Variants in CERS6 observed in about 807,000 individuals in gnomAD.
The protein encoded by CERS6 is ceramide synthase 6.
A neutral mutation model predicts 56.8 loss-of-function variants in CERS6; 26 were observed. The ratio of observed to expected loss-of-function variants is 0.46; its 90% CI spans 0.34 to 0.63. The LOEUF (loss-of-function observed/expected upper bound fraction) is 0.63, where lower values mean the gene tolerates loss of function less well. Among genes scored for constraint, CERS6 ranks in the 30% least tolerant of loss-of-function variants. The pLI, the probability that CERS6 is intolerant of heterozygous loss-of-function variation, is 0.01. For synonymous variants in CERS6, 164 were observed against 173.3 expected (o/e 0.95, Z 0.42); for missense variants, 415 against 467.5 (o/e 0.89, Z 1.04).
Position 168,580,475 on chromosome 2 carries a change from A to C in CERS6, c.407+19153A>C, listed in dbSNP as rs183048666. Among the ~76,000 whole-genome samples, 41 of 152,210 alleles carry C rather than the reference A, an allele frequency of 2.7e-4. 1 individual carries two copies. Among genetic ancestry groups the C allele is most frequent in the Admixed American group, 2.7e-3 (41 of 15,288 alleles). On this transcript the variant is annotated intron_variant, in intron 3 of 9. Transcript: ENST00000305747. ...AAATCCAAGGTGTTTAGAGTATTTT[A>C]TTTCCATGTTCCCTCTTCTGACTTA...
At chr2:168,532,238 A>T (rs1695182262) in intron 1 of CERS6, among the ~76,000 whole-genome samples, 1 of 152,160 alleles carries the variant, frequency 6.6e-6, no homozygotes, top group South Asian at 2.1e-4. Context: ...CCAAGGTGCC[A>T]GTGATTTAGA....
chr2:168,515,504 G>A (rs1346291733), intron 1 of CERS6, among the ~76,000 whole-genome samples: 2 of 152,196 alleles, frequency 1.3e-5, no homozygotes, highest in Non-Finnish European at 2.9e-5. Context: ...GGGAATTGAT[G>A]TGGAAAGTGG....
At chr2:168,692,481 G>C (rs1686530334) in intron 5 of CERS6, among the ~76,000 whole-genome samples, 1 of 152,144 alleles carries the variant, frequency 6.6e-6, no homozygotes, top group Non-Finnish European at 1.5e-5. Context: ...TGAGTTGCTA[G>C]AGCTATGGTC....
chr2:168,538,851 G>C (rs536813669), intron 1 of CERS6, among the ~76,000 whole-genome samples: 1 of 152,258 alleles, frequency 6.6e-6, no homozygotes, highest in South Asian at 2.1e-4. Flanking sequence ...GATTGTCTTA[G>C]ATAAATACCT....
At chr2:168,623,472 A>G (rs1482253271) in intron 3 of CERS6, among the ~76,000 whole-genome samples, 2 of 74,976 alleles carry the variant, frequency 2.7e-5, no homozygotes, top group Non-Finnish European at 5.1e-5. Context: ...GTAAAGCAGG[A>G]AAAAAAAATG....
chr2:168,559,180 T>C (rs1231360953), intron 2 of CERS6, among the ~76,000 whole-genome samples: 1 of 151,754 alleles, frequency 6.6e-6, no homozygotes, highest in Non-Finnish European at 1.5e-5. Context: ...AAGGTGAGTG[T>C]AGATGGTGTC....
At chr2:168,758,476 A>T (rs1376637057) in intron 8 of CERS6, among the ~76,000 whole-genome samples, 1 of 151,200 alleles carries the variant, frequency 6.6e-6, no homozygotes, top group Non-Finnish European at 1.5e-5. Flanking sequence ...AGGCTCAGAT[A>T]GAACTCTTTG....
chr2:168,459,266 T>C (rs1371915525), intron 1 of CERS6, among the ~76,000 whole-genome samples: 1 of 152,248 alleles, frequency 6.6e-6, no homozygotes, highest in South Asian at 2.1e-4. Context: ...AAATCGTGAA[T>C]TTGAATGCCT....
intron 8 of CERS6, among the ~76,000 whole-genome samples, chr2:168,735,370 G>A (rs185487470): frequency 2.6e-5 from 4 of 152,006 alleles, no homozygotes; most frequent in African/African-American, 9.6e-5. Context: ...ACCCATCTTA[G>A]TCATTTCTGC....
At chr2:168,641,495 G>A (rs1264959406) in intron 4 of CERS6, among the ~76,000 whole-genome samples, 1 of 152,012 alleles carries the variant, frequency 6.6e-6, no homozygotes, top group African/African-American at 2.4e-5. Flanking sequence ...GCTTCCTCAG[G>A]GTTTGCTAAT....
intron 4 of CERS6, among the ~76,000 whole-genome samples, chr2:168,656,313 C>T (rs1685466994): frequency 6.6e-6 from 1 of 152,182 alleles, no homozygotes; most frequent in African/African-American, 2.4e-5. Context: ...AGTTTTGTAG[C>T]TTTTAACTGA....
At chr2:168,530,468 A>G (rs1004351487) in intron 1 of CERS6, among the ~76,000 whole-genome samples, 4 of 152,188 alleles carry the variant, frequency 2.6e-5, no homozygotes, top group Non-Finnish European at 4.4e-5. Flanking sequence ...CGACAAGGGT[A>G]TTTTCGTATA....
rs1159966483 is a variant in CERS6, at chr2:168,513,260, T to C, written c.171-34336T>C. Among the ~76,000 whole-genome samples the C allele has an allele frequency of 3.3e-5, 5 of 152,340 alleles. No homozygotes were observed. The South Asian group carries it at 1.0e-3, about 32-fold the overall frequency. On this transcript the variant is annotated intron_variant, in intron 1 of 9. Coordinates refer to ENST00000305747, the MANE Select transcript of CERS6 (RefSeq NM_203463.3). Reference sequence around the variant, plus strand: ...CTATATTGTTAACCTCTTACATTAATGTAGCCCATGTTACAATTTATGAAC... The same window carrying C: ...CTATATTGTTAACCTCTTACATTAACGTAGCCCATGTTACAATTTATGAAC...
intron 4 of CERS6, among the ~76,000 whole-genome samples, chr2:168,670,203 A>G (rs1321346882): frequency 1.3e-5 from 2 of 152,222 alleles, no homozygotes; most frequent in African/African-American, 2.4e-5. Context: ...AGAAAATCAC[A>G]CTATTTTTTA....
intron 4 of CERS6, among the ~76,000 whole-genome samples, chr2:168,633,720 CA>C (rs1284110361): frequency 6.6e-6 from 1 of 151,526 alleles, no homozygotes; most frequent in Non-Finnish European, 1.5e-5. Context: ...TAAACTGAGA[CA>C]AAAAAAATTA....
At chr2:168,718,128 T>C in intron 8 of CERS6, 150 bp downstream of exon 8, 1 of 606,264 alleles carries the variant, frequency 1.6e-6, no homozygotes, top group Non-Finnish European at 2.9e-6. Flanking sequence ...TGATTTCTTC[T>C]TCCAGAAGAG....
rs532576677 is a variant in CERS6, at chr2:168,660,175, G to A, written c.465+29133G>A. On this transcript the variant is annotated intron_variant, in intron 4 of 9. Transcript: ENST00000305747. ...ATCTATTGAGCGGCCTGTATGTAGG[G>A]GCTCTGGGTTGAGCTCTATGGGCAC... 1.2e-4 allele frequency among the ~76,000 whole-genome samples: 19 copies of A among 152,238 alleles called. No individual in the cohort carries two copies. In the South Asian group the frequency reaches 3.5e-3, roughly 28 times the overall value.
At chr2:168,538,445 C>T (rs945832618) in intron 1 of CERS6, among the ~76,000 whole-genome samples, 1 of 152,150 alleles carries the variant, frequency 6.6e-6, no homozygotes, top group Non-Finnish European at 1.5e-5. Flanking sequence ...GAATGTCCTT[C>T]CCCCACTTAT....
At chr2:168,761,638 C>T (rs1684583594) in intron 8 of CERS6, among the ~76,000 whole-genome samples, 1 of 152,060 alleles carries the variant, frequency 6.6e-6, no homozygotes, top group African/African-American at 2.4e-5. Context: ...GTTGGATTAG[C>T]AAACACGTGG....
Sources: allele counts gnomAD v4.1 joint callset (sites outside exome capture counted in the v4.1 genomes callset), GRCh38; gene constraint gnomAD v4.1.1; transcripts MANE v1.5; gene names NCBI Gene and HGNC (gene_info 2026-07-23, HGNC 2026-07-21).